Variants in EFCAB13 observed in about 807,000 individuals in gnomAD.
EFCAB13 encodes the protein EF-hand calcium-binding domain-containing protein 13.
EFCAB13 carries 91 observed loss-of-function variants against 110.2 expected under a neutral mutation model. The observed-to-expected ratio is 0.83, with a 90% CI of 0.70 to 0.98. The LOEUF (loss-of-function observed/expected upper bound fraction) is 0.98. Among genes scored for constraint, EFCAB13 ranks in the 50% least tolerant of loss-of-function variants. The pLI is 0.00. For missense variants in EFCAB13, 968 were observed against 1,119.4 expected, an observed-to-expected ratio of 0.86 and a Z score of 1.93; for synonymous variants, 323 against 369.9, an observed-to-expected ratio of 0.87 and a Z score of 1.45.
chr17:47,397,107 C>T (rs1250757490), intron 17 of EFCAB13, among the ~76,000 whole-genome samples: 1 of 149,830 alleles, frequency 6.7e-6, no homozygotes, highest in Non-Finnish European at 1.5e-5. Context: ...ACTGCAACCT[C>T]CTTGCCTGAT....
chr17:47,412,837 G>A lies in EFCAB13; in HGVS notation c.2343G>A (p.Leu781=). The change falls in exon 22 of 25, where the codon TTG becomes TTA. Residue 781 remains leucine, a synonymous_variant. Coordinates refer to ENST00000331493, the MANE Select transcript of EFCAB13 (RefSeq NM_152347.5). ...ATGGCAAGATTGGTATACCTGATTT[G>A]GAGCATGCCTTGAAATGTTTGAATG... ...VDNGKIGIPD[L]EHALKCLNVN... is the part of the protein sequence containing the mutation. The A allele has an allele frequency of 6.2e-7, 1 of 1,613,752 alleles. No individual in the cohort carries two copies. Among genetic ancestry groups the A allele is most frequent in the Non-Finnish European group, 8.5e-7 (1 of 1,179,802 alleles).
At chr17:47,386,270 G>A in intron 14 of EFCAB13, among the ~76,000 whole-genome samples, 2 of 152,170 alleles carry the variant, frequency 1.3e-5, no homozygotes, top group East Asian at 1.9e-4. Flanking sequence ...CAGATACGCT[G>A]GTCCAGTGAG....
intron 9 of EFCAB13, among the ~76,000 whole-genome samples, chr17:47,355,255 C>T (rs1365682832): frequency 6.6e-6 from 1 of 152,200 alleles, no homozygotes; most frequent in Admixed American, 6.5e-5. Context: ...TGCTGTTAAT[C>T]TGATAGGTTT....
chr17:47,431,795 T>G lies in EFCAB13; in HGVS notation c.2638+1834T>G, dbSNP rs868552694. On this transcript the variant is annotated intron_variant, in intron 24 of 24. Transcript: ENST00000331493. This position sits in a 1 kb window ranked among gnomAD's most constrained non-coding sequence, Gnocchi z 4.1. ...ATCAGATTTATTGTCAAATTCAAAT[T>G]TTTTTATATTCTTACTGATGTTTTA... Among the ~76,000 whole-genome samples the G allele has an allele frequency of 1.1e-4, 16 of 152,174 alleles. No homozygotes were observed. Among genetic ancestry groups the G allele is most frequent in the African/African-American group, 7.2e-5 (3 of 41,438 alleles).
chr17:47,370,314 T>G, intron 10 of EFCAB13, 123 bp from the exon 11 acceptor site: 3 of 700,968 alleles, frequency 4.3e-6, no homozygotes, highest in Non-Finnish European at 5.0e-6. Flanking sequence ...ATTCAAGACT[T>G]TGTAATAGTT....
In EFCAB13 at chr17:47,419,014, G is replaced by A. The variant is rs545443154; in HGVS notation, c.2494+4095G>A. On this transcript the variant is annotated intron_variant, in intron 23 of 24. Transcript: ENST00000331493. ...CAGAGCAGGGTAACTAGAATTACCC[G>A]TAAAGCTGGTTCACCTGGTTCTATC... 5.9e-5 allele frequency among the ~76,000 whole-genome samples: 9 copies of A among 152,216 alleles called. No homozygotes were observed. The South Asian group carries it at 8.3e-4, about 14-fold the overall frequency.
At chr17:47,379,560 TTTG>T (rs2065635006) in intron 14 of EFCAB13, among the ~76,000 whole-genome samples, 1 of 106,960 alleles carries the variant, frequency 9.3e-6, no homozygotes, top group African/African-American at 3.6e-5. Flanking sequence ...GGTGATATGG[TTTG>T]TTTTTTTTTT....
rs769322633 is a variant in EFCAB13 at position 47,341,919 on chromosome 17, A to G, written c.192-2A>G. 1 of 1,465,414 alleles carries G rather than the reference A, an allele frequency of 6.8e-7. No homozygotes were observed. The highest frequency in any genetic ancestry group is 2.3e-5 in the East Asian group (1 of 43,732). 90.8% of individuals were successfully genotyped at this position (1,465,414 alleles called of 1,614,324 possible). ...AATGATTCCAATTTCTGTGTCATTT[A>G]GATTTGAAACATCAATAATCTTTTG... On this transcript the variant is annotated splice_acceptor_variant, in intron 5 of 24. Transcript: ENST00000331493. LOFTEE classifies it high-confidence loss of function.
intron 20 of EFCAB13, among the ~76,000 whole-genome samples, chr17:47,405,378 A>G (rs1042853488): frequency 2.0e-5 from 3 of 152,158 alleles, no homozygotes; most frequent in East Asian, 3.8e-4. Flanking sequence ...TTAACAAGCT[A>G]CTGCCTAATT....
chr17:47,327,407 C>A (rs2065292622), intron 3 of EFCAB13, among the ~76,000 whole-genome samples: 1 of 152,034 alleles, frequency 6.6e-6, no homozygotes, highest in Non-Finnish European at 1.5e-5. Flanking sequence ...TCGTGATCCA[C>A]CTGCCTTGGC....
chr17:47,330,554 G>A (rs2143218495), intron 4 of EFCAB13, among the ~76,000 whole-genome samples: 1 of 152,024 alleles, frequency 6.6e-6, no homozygotes, highest in East Asian at 1.9e-4. Flanking sequence ...TGTGGTATTT[G>A]GTTTTTTTGT....
At chr17:47,389,569 T>C (rs1445016726) in intron 14 of EFCAB13, among the ~76,000 whole-genome samples, 1 of 149,258 alleles carries the variant, frequency 6.7e-6, no homozygotes, top group Non-Finnish European at 1.5e-5. Context: ...ACCAGGCCCC[T>C]CATTTCATCT....
intron 14 of EFCAB13, among the ~76,000 whole-genome samples, chr17:47,383,194 C>T (rs565567596): frequency 6.6e-6 from 1 of 152,104 alleles, no homozygotes; most frequent in South Asian, 2.1e-4. Context: ...ATTAGTCTTG[C>T]TAGCAGTCTA....
In EFCAB13 at chr17:47,380,037, C is replaced by T. The variant is rs145614558; in HGVS notation, c.1582+784C>T. On this transcript the variant is annotated intron_variant, in intron 14 of 24. Coordinates refer to ENST00000331493, the MANE Select transcript of EFCAB13 (RefSeq NM_152347.5). ...TTTATTGAAGACAATATTAGCAAGT[C>T]GATTTCTTTTAAAAAGTGTTCCTTT... 6.5e-3 allele frequency among the ~76,000 whole-genome samples: 989 copies of T among 152,160 alleles called. 10 individuals carry two copies. The highest frequency in any genetic ancestry group is 0.02 in the African/African-American group (814 of 41,490).
At chr17:47,397,052 C>G (rs983836918) in intron 17 of EFCAB13, among the ~76,000 whole-genome samples, 8 of 145,572 alleles carry the variant, frequency 5.5e-5, no homozygotes, top group African/African-American at 1.5e-4. Flanking sequence ...CCCTTTCCCT[C>G]TCATGCCGAG....
At chr17:47,407,701 C>T (rs898301605) in intron 20 of EFCAB13, among the ~76,000 whole-genome samples, 2 of 152,126 alleles carry the variant, frequency 1.3e-5, no homozygotes, top group Non-Finnish European at 2.9e-5. Flanking sequence ...TGACAGACAA[C>T]CAGCAGCTTG....
chr17:47,433,988 T>C (rs1473216696), intron 24 of EFCAB13, among the ~76,000 whole-genome samples: 4 of 152,272 alleles, frequency 2.6e-5, no homozygotes, highest in Non-Finnish European at 5.9e-5. Flanking sequence ...TTATTGTTTA[T>C]TTGTGTTTAC....
intron 17 of EFCAB13, among the ~76,000 whole-genome samples, chr17:47,399,272 C>T (rs2065766475): frequency 6.6e-6 from 1 of 152,172 alleles, no homozygotes; most frequent in Non-Finnish European, 1.5e-5. Flanking sequence ...GCAGATTTTA[C>T]AATTTAAGCC....
intron 23 of EFCAB13, among the ~76,000 whole-genome samples, chr17:47,426,959 T>C (rs1477616142): frequency 6.6e-6 from 1 of 152,138 alleles, no homozygotes; most frequent in Non-Finnish European, 1.5e-5. Flanking sequence ...ATAAATAACC[T>C]TATTATATAA....
Sources: allele counts gnomAD v4.1 joint callset (sites outside exome capture counted in the v4.1 genomes callset), GRCh38; gene constraint gnomAD v4.1.1; non-coding constraint Gnocchi (gnomAD v3.1); transcripts MANE v1.5; gene names NCBI Gene and HGNC (gene_info 2026-07-23, HGNC 2026-07-21).